Variants in TTC8 observed in about 807,000 individuals in gnomAD.
TTC8 encodes the protein tetratricopeptide repeat protein 8.
TTC8 carries 47 observed loss-of-function variants against 72.5 expected under a neutral mutation model. The observed-to-expected ratio is 0.65, with a 90% CI of 0.51 to 0.83. The LOEUF is 0.83. Among genes scored for constraint, TTC8 ranks in the 40% least tolerant of loss-of-function variants. TTC8 has a pLI of 0.00. For synonymous variants in TTC8, 199 were observed against 221.4 expected (o/e 0.90, Z 0.90); for missense variants, 611 against 623.2 (o/e 0.98, Z 0.21).
intron 1 of TTC8, chr14:88,831,008 G>A (rs977604024): frequency 2.3e-6 from 1 of 434,640 alleles, no homozygotes; most frequent in Non-Finnish European, 4.6e-6. Flanking sequence ...GAGTGTCTAG[G>A]TTCAAATACT....
In TTC8 at chr14:88,831,017, C is replaced by T. The variant is rs2094723327; in HGVS notation, c.115-2676C>T. 3 of 429,288 alleles carry T rather than the reference C, an allele frequency of 7.0e-6. 1 individual carries two copies. The highest frequency in any genetic ancestry group is 4.7e-6 in the Non-Finnish European group (1 of 214,826). 26.6% of individuals were successfully genotyped at this position (429,288 alleles called of 1,614,324 possible). A position where few individuals can be genotyped will look rare whatever the true frequency, so the allele number is the denominator to read the frequency against. On this transcript the variant is annotated intron_variant, in intron 1 of 14. Transcript: ENST00000380656. ...GGCCCAGAGTGTCTAGGTTCAAATA[C>T]TGCCTCTATACCTTTGAGGTAAGAG...
intron 7 of TTC8, among the ~76,000 whole-genome samples, chr14:88,849,076 G>T (rs1171480700): frequency 6.6e-6 from 1 of 152,122 alleles, no homozygotes; most frequent in Non-Finnish European, 1.5e-5. Flanking sequence ...AACACAAATT[G>T]TTCCTTTGTT....
intron 3 of TTC8, 76 bp downstream of exon 3, chr14:88,839,648 T>G: frequency 6.9e-6 from 10 of 1,453,738 alleles, no homozygotes; most frequent in Non-Finnish European, 8.7e-6. Flanking sequence ...GGAATATATA[T>G]GCCTATATAT....
intron 7 of TTC8, among the ~76,000 whole-genome samples, chr14:88,846,012 G>A (rs562818699): frequency 5.9e-5 from 9 of 152,116 alleles, no homozygotes; most frequent in African/African-American, 2.2e-4. Context: ...AGTGGTCATT[G>A]AAGTCTCTCT....
At chr14:88,837,245 A>G (rs2094756874) in intron 2 of TTC8, among the ~76,000 whole-genome samples, 1 of 151,520 alleles carries the variant, frequency 6.6e-6, no homozygotes, top group African/African-American at 2.4e-5. Context: ...CCTACACTCA[A>G]TTCTCCTAGA....
At chr14:88,848,634 CATAATT>C (rs2094819807) in intron 7 of TTC8, among the ~76,000 whole-genome samples, 1 of 151,996 alleles carries the variant, frequency 6.6e-6, no homozygotes, top group South Asian at 2.1e-4. Flanking sequence ...CATTAAAAAC[CATAATT>C]ATAAACACTA....
At chr14:88,872,853 T>C (rs1243916703) in intron 13 of TTC8, among the ~76,000 whole-genome samples, 1 of 152,146 alleles carries the variant, frequency 6.6e-6, no homozygotes, top group Non-Finnish European at 1.5e-5. Flanking sequence ...CATTCTGACC[T>C]CAGAGTCCCA....
At chr14:88,854,415 T>C (rs1341362195) in intron 8 of TTC8, among the ~76,000 whole-genome samples, 1 of 152,228 alleles carries the variant, frequency 6.6e-6, no homozygotes, top group African/African-American at 2.4e-5. Flanking sequence ...AATGGGCAGC[T>C]ACTCTGCCAG....
chr14:88,875,424 T>C (rs1442387044), intron 14 of TTC8, among the ~76,000 whole-genome samples: 1 of 152,212 alleles, frequency 6.6e-6, no homozygotes, highest in Non-Finnish European at 1.5e-5. Context: ...AGTTATTGGC[T>C]TTTACAGCAA....
At position 88,871,005 on chromosome 14, in the gene TTC8, C is replaced by T. The variant is rs957864842; in HGVS notation, c.1050-544C>T. 6.6e-6 allele frequency among the ~76,000 whole-genome samples: 1 copy of T among 152,186 alleles called. No homozygotes were observed. The highest frequency in any genetic ancestry group is 6.5e-5 in the Admixed American group (1 of 15,278). On this transcript the variant is annotated intron_variant, in intron 11 of 14. Coordinates refer to ENST00000380656, the MANE Select transcript of TTC8 (RefSeq NM_144596.4). This position sits in a 1 kb window ranked among gnomAD's most constrained non-coding sequence, Gnocchi z 4.1. ...ATTATGCATAGAAGCAAATGGGGCT[C>T]TTGAGCTGCAGTGTGAGAGCTAAGT...
intron 7 of TTC8, among the ~76,000 whole-genome samples, chr14:88,845,373 C>G (rs1047817783): frequency 5.3e-5 from 8 of 152,068 alleles, no homozygotes; most frequent in African/African-American, 1.9e-4. Context: ...GACTTGAAGG[C>G]GTTTTGAGCT....
chr14:88,864,295 A>G (rs1208708698), intron 10 of TTC8, among the ~76,000 whole-genome samples: 1 of 152,190 alleles, frequency 6.6e-6, no homozygotes, highest in East Asian at 1.9e-4. Context: ...AATATTCTGG[A>G]CTCTAAATTG....
intron 1 of TTC8, among the ~76,000 whole-genome samples, chr14:88,833,352 A>G (rs377268745): frequency 3.3e-5 from 5 of 152,168 alleles, no homozygotes; most frequent in African/African-American, 1.2e-4. Flanking sequence ...CCGTGAACTT[A>G]TTTTTGAATA....
intron 14 of TTC8, 21 bp from the exon 15 acceptor site, chr14:88,877,273 T>A: frequency 6.3e-7 from 1 of 1,588,166 alleles, no homozygotes; most frequent in Non-Finnish European, 8.6e-7. Flanking sequence ...TTCCATGGTC[T>A]TATTCTTGTA....
intron 14 of TTC8, among the ~76,000 whole-genome samples, chr14:88,876,431 C>T (rs942283464): frequency 1.3e-5 from 2 of 152,062 alleles, no homozygotes; most frequent in Non-Finnish European, 2.9e-5. Context: ...CTTTTTAGAA[C>T]GTATCCATGA....
At chr14:88,842,954 T>G (rs1424758039) in intron 6 of TTC8, among the ~76,000 whole-genome samples, 1 of 151,834 alleles carries the variant, frequency 6.6e-6, no homozygotes, top group Non-Finnish European at 1.5e-5. Context: ...TAGGTTTGTT[T>G]TTTTTTTTAA....
chr14:88,825,525 G>T (rs1169936747), intron 1 of TTC8, among the ~76,000 whole-genome samples: 2 of 152,204 alleles, frequency 1.3e-5, no homozygotes, highest in African/African-American at 4.8e-5. Flanking sequence ...GAGTGGAAAA[G>T]GTAGTATACA....
chr14:88,840,651 C>T (rs570883854), intron 3 of TTC8, among the ~76,000 whole-genome samples: 2 of 152,154 alleles, frequency 1.3e-5, no homozygotes, highest in Non-Finnish European at 2.9e-5. Flanking sequence ...ATACTACCTA[C>T]TTTACAGACT....
At chr14:88,829,410 C>A (rs981663575) in intron 1 of TTC8, among the ~76,000 whole-genome samples, 3 of 152,228 alleles carry the variant, frequency 2.0e-5, no homozygotes, top group African/African-American at 7.2e-5. Context: ...TCATCCTGAT[C>A]AGTTGCTTAA....
Sources: gnomAD v4.1 joint callset for allele counts (sites outside exome capture counted in the v4.1 genomes callset) on GRCh38, gnomAD v4.1.1 for gene constraint, Gnocchi (gnomAD v3.1) non-coding constraint, MANE v1.5 for transcripts, NCBI Gene and HGNC (gene_info 2026-07-23, HGNC 2026-07-21) for gene names.